Variants in WWOX observed in about 807,000 individuals in gnomAD.
WWOX encodes WW domain containing oxidoreductase.
Under a neutral mutation model 46.2 loss-of-function variants are expected in WWOX, and 69 were observed. That is an observed-to-expected ratio of 1.49 (90% CI 1.23 to 1.82). WWOX has a LOEUF of 1.82. Ranked by LOEUF, WWOX falls within the 40% of genes most tolerant of loss-of-function variation. The pLI is 0.00. For synonymous variants in WWOX, 359 were observed against 202.6 expected (o/e 1.77, Z -6.56); for missense variants, 919 against 542.6 (o/e 1.69, Z -6.89).
At chr16:78,837,099 G>T (rs886605378) in intron 8 of WWOX, among the ~76,000 whole-genome samples, 2 of 152,084 alleles carry the variant, frequency 1.3e-5, no homozygotes, top group African/African-American at 4.8e-5. Context: ...TGCTTAGGGA[G>T]GGGGGAGAAG....
At chr16:78,497,249 C>T (rs1359819894) in intron 8 of WWOX, among the ~76,000 whole-genome samples, 1 of 152,238 alleles carries the variant, frequency 6.6e-6, no homozygotes, top group African/African-American at 2.4e-5. Flanking sequence ...TGCTCTGATT[C>T]TAGCTTTTCC....
At chr16:78,345,005 GC>G (rs2151902316) in intron 5 of WWOX, among the ~76,000 whole-genome samples, 2 of 120,130 alleles carry the variant, frequency 1.7e-5, no homozygotes, top group Admixed American at 1.6e-4. Flanking sequence ...CGGGAGTTTA[GC>G]CTAGTCCCCA....
intron 8 of WWOX, among the ~76,000 whole-genome samples, chr16:78,557,657 TGC>T (rs2044334724): frequency 6.7e-6 from 1 of 150,196 alleles, no homozygotes; most frequent in Non-Finnish European, 1.5e-5. Context: ...TGCCCGGAAA[TGC>T]GACACATAAG....
intron 8 of WWOX, among the ~76,000 whole-genome samples, chr16:78,628,055 G>C (rs908536038): frequency 3.3e-5 from 5 of 152,206 alleles, no homozygotes; most frequent in Admixed American, 1.3e-4. Context: ...AAGATACAGG[G>C]TGTGTCAGAT....
chr16:78,265,846 A>T lies in WWOX; in HGVS notation c.516+101557A>T, dbSNP rs558611575. ...ATTTGTCAAGTAAATAGACTCCTTAATAAATTGTCTATCCTGTATCCAGTA... is the reference window on the plus strand; with the variant it reads ...ATTTGTCAAGTAAATAGACTCCTTATTAAATTGTCTATCCTGTATCCAGTA... On this transcript the variant is annotated intron_variant, in intron 5 of 8. Coordinates refer to ENST00000566780, the MANE Select transcript of WWOX (RefSeq NM_016373.4). The T allele has an allele frequency of 2.0e-5, 3 of 152,332 alleles. No homozygotes were observed. The East Asian group carries it at 5.8e-4, about 29-fold the overall frequency. The allele number at this position is 152,332 out of a possible 1,614,324, so 9.4% of individuals were successfully genotyped here.
Position 79,019,157 on chromosome 16 carries a change from CAAAAAAAAA to C in WWOX, c.1057-192431_1057-192423del, listed in dbSNP as rs903333994. Among the ~76,000 whole-genome samples, 20 of 24,576 alleles carry C rather than the reference CAAAAAAAAA, an allele frequency of 8.1e-4. 1 individual carries two copies. In the Admixed American group the frequency reaches 8.2e-3, roughly 10 times the overall value. The allele number at this position is 24,576 out of a possible 152,430, so 16.1% of individuals were successfully genotyped here. The stretch of plus-strand genomic sequence containing the variant: ...TGGGCAGCAGAGTGCGACCTTGTCT[CAAAAAAAAA>C]AAAAAAAAAAAAAAAAAAAGAAAAA... On this transcript the variant is annotated intron_variant, in intron 8 of 8. Coordinates refer to ENST00000566780, the MANE Select transcript of WWOX (RefSeq NM_016373.4).
chr16:79,030,377 C>G (rs914085363), intron 8 of WWOX, among the ~76,000 whole-genome samples: 15 of 152,180 alleles, frequency 9.9e-5, no homozygotes, highest in East Asian at 3.9e-4. Flanking sequence ...AAATTGCTTT[C>G]AAGACTACCC....
At chr16:78,183,323 T>C (rs529777523) in intron 5 of WWOX, among the ~76,000 whole-genome samples, 3 of 152,190 alleles carry the variant, frequency 2.0e-5, no homozygotes, top group Non-Finnish European at 4.4e-5. Context: ...CTCAAGAATA[T>C]TCGGGCAAGA....
At chr16:79,106,455 C>G (rs1014426425) in intron 8 of WWOX, among the ~76,000 whole-genome samples, 1 of 152,036 alleles carries the variant, frequency 6.6e-6, no homozygotes, top group Non-Finnish European at 1.5e-5. Flanking sequence ...TGGGATGAAT[C>G]TGGGGACACT....
intron 5 of WWOX, among the ~76,000 whole-genome samples, chr16:78,380,267 A>G (rs72796066): frequency 9.9e-5 from 15 of 152,252 alleles, no homozygotes; most frequent in East Asian, 5.8e-4. Context: ...TGTGGACATA[A>G]TGGAATATGG....
intron 8 of WWOX, among the ~76,000 whole-genome samples, chr16:78,805,921 C>T (rs1249388361): frequency 6.6e-6 from 1 of 152,160 alleles, no homozygotes; most frequent in East Asian, 1.9e-4. Flanking sequence ...TTTTTCTCAT[C>T]TTTTGAACAT....
At chr16:78,387,041 G>GT in intron 6 of WWOX, 93 bp downstream of exon 6, 1 of 1,336,022 alleles carries the variant, frequency 7.5e-7, no homozygotes. Context: ...CAAGGCTGTT[G>GT]TGTTGTCTTG....
chr16:78,407,314 C>A (rs1358718588), intron 6 of WWOX, among the ~76,000 whole-genome samples: 1 of 152,084 alleles, frequency 6.6e-6, no homozygotes, highest in East Asian at 1.9e-4. Flanking sequence ...TGAGAAATGC[C>A]CCAGATGGTG....
intron 3 of WWOX, among the ~76,000 whole-genome samples, chr16:78,111,560 C>T (rs867939691): frequency 1.3e-5 from 2 of 152,240 alleles, no homozygotes; most frequent in Non-Finnish European, 1.5e-5. Flanking sequence ...CTTAGCAGAC[C>T]GCGAAAGGGA....
chr16:79,157,890 G>C (rs1478840436), intron 8 of WWOX, among the ~76,000 whole-genome samples: 2 of 152,198 alleles, frequency 1.3e-5, no homozygotes, highest in African/African-American at 4.8e-5. Context: ...CTCTGGGGAA[G>C]AGGGGCTGTC....
At chr16:79,084,262 G>A (rs984758807) in intron 8 of WWOX, among the ~76,000 whole-genome samples, 5 of 152,166 alleles carry the variant, frequency 3.3e-5, no homozygotes, top group African/African-American at 1.2e-4. Flanking sequence ...GACACTGACT[G>A]TGCTAGAGCT....
intron 5 of WWOX, among the ~76,000 whole-genome samples, chr16:78,244,042 G>A (rs561949479): frequency 6.6e-6 from 1 of 152,304 alleles, no homozygotes; most frequent in South Asian, 2.1e-4. Flanking sequence ...CTGCGGCTTA[G>A]CCTGTGGTGG....
intron 8 of WWOX, among the ~76,000 whole-genome samples, chr16:78,615,705 TGAAA>T (rs34935776): frequency 0.2 from 30,180 of 151,450 alleles, 3,275 homozygotes; most frequent in African/African-American, 0.28. Context: ...CAGTAGTGGT[TGAAA>T]GAAAGGGAAG....
At chr16:78,997,328 G>A (rs1274839827) in intron 8 of WWOX, among the ~76,000 whole-genome samples, 2 of 152,106 alleles carry the variant, frequency 1.3e-5, no homozygotes, top group African/African-American at 2.4e-5. Context: ...TGGAAATAAC[G>A]TACCTCTTAA....
Sources: gnomAD v4.1 joint callset for allele counts (sites outside exome capture counted in the v4.1 genomes callset) on GRCh38, gnomAD v4.1.1 for gene constraint, MANE v1.5 for transcripts, NCBI Gene and HGNC (gene_info 2026-07-23, HGNC 2026-07-21) for gene names.